AGBL4: variants seen among roughly 807,000 people sequenced by gnomAD.
The protein encoded by AGBL4 is AGBL carboxypeptidase 4, also known as cytosolic carboxypeptidase 6.
A neutral mutation model predicts 66.4 loss-of-function variants in AGBL4; 58 were observed. The ratio of observed to expected loss-of-function variants is 0.87; its 90% CI spans 0.71 to 1.09. AGBL4 has a LOEUF of 1.09. AGBL4 is among the 50% of genes least tolerant of loss of function. The probability of loss-of-function intolerance (pLI) is 0.00; values close to 1 mark genes in which losing one functional copy is unlikely to be tolerated. For synonymous variants in AGBL4, 234 were observed against 222.9 expected (o/e 1.05, Z -0.44); for missense variants, 579 against 631.0 (o/e 0.92, Z 0.88).
intron 3 of AGBL4, among the ~76,000 whole-genome samples, chr1:49,666,552 TGA>T (rs1348652264): frequency 6.6e-6 from 1 of 151,734 alleles, no homozygotes; most frequent in African/African-American, 2.4e-5. Flanking sequence ...GAAGACAGAG[TGA>T]GACTCTGTCT....
intron 3 of AGBL4, among the ~76,000 whole-genome samples, chr1:49,467,906 T>C (rs1024298537): frequency 2.0e-5 from 3 of 151,906 alleles, no homozygotes; most frequent in African/African-American, 7.2e-5. Context: ...AAAGTCCTTC[T>C]AGGTAAGACA....
chr1:49,164,194 G>A (rs1646591453), intron 4 of AGBL4, among the ~76,000 whole-genome samples: 1 of 151,520 alleles, frequency 6.6e-6, no homozygotes, highest in Non-Finnish European at 1.5e-5. Context: ...TGAGAATGCA[G>A]AGATGCAGGT....
In AGBL4 at chr1:49,979,997, C is replaced by A. The variant is rs555159139; in HGVS notation, c.34+43766G>T. On this transcript the variant is annotated intron_variant, in intron 1 of 13. Transcript: ENST00000371839. Reference sequence around the variant, plus strand: ...CAGTATAGTATTATAAATGTATTTTCTCTTCCTTATGATTTTCTTAATAAT... The same window carrying A: ...CAGTATAGTATTATAAATGTATTTTATCTTCCTTATGATTTTCTTAATAAT... Among the ~76,000 whole-genome samples the A allele has an allele frequency of 2.6e-3, 400 of 152,248 alleles. 1 individual carries two copies. Among genetic ancestry groups the A allele is most frequent in the African/African-American group, 9.1e-3 (380 of 41,558 alleles).
chr1:49,216,266 T>C (rs531291249), intron 4 of AGBL4, among the ~76,000 whole-genome samples: 3 of 152,274 alleles, frequency 2.0e-5, no homozygotes, highest in Non-Finnish European at 2.9e-5. Context: ...TTCATTTTTT[T>C]CTAATTTCAA....
At position 49,747,944 on chromosome 1, in the gene AGBL4, T is replaced by TAG. The variant is rs1651120881; in HGVS notation, c.158-50508_158-50507insCT. On this transcript the variant is annotated intron_variant, in intron 2 of 13. Coordinates refer to ENST00000371839, the MANE Select transcript of AGBL4 (RefSeq NM_032785.4). ...GAACCAATAAAAGGAGTGTGTGTGT[T>TAG]TGTGTGTGTGTGTGTGTGTGTGTGT... is the stretch of plus-strand genomic sequence containing the variant. 2.7e-5 allele frequency among the ~76,000 whole-genome samples: 4 copies of TAG among 147,560 alleles called. No individual in the cohort carries two copies. In the South Asian group the frequency reaches 8.7e-4, roughly 32 times the overall value.
intron 2 of AGBL4, among the ~76,000 whole-genome samples, chr1:49,798,608 C>A (rs535773001): frequency 2.6e-5 from 4 of 152,134 alleles, no homozygotes; most frequent in Admixed American, 6.5e-5. Flanking sequence ...GGCATCTATT[C>A]ATCTACTGAC....
chr1:49,440,072 T>C lies in AGBL4; in HGVS notation c.283-194208A>G, dbSNP rs544776700. 5.4e-5 allele frequency among the ~76,000 whole-genome samples: 8 copies of C among 148,594 alleles called. No homozygotes were observed. The South Asian group carries it at 8.6e-4, about 16-fold the overall frequency. ...CTAAAAAATGCTAAGGACTCTACTT[T>C]TTTTTTTTTTTTTTTGAGACAGAGT... On this transcript the variant is annotated intron_variant, in intron 3 of 13. Transcript: ENST00000371839.
At chr1:48,546,170 T>C (rs1316666633) in intron 11 of AGBL4, among the ~76,000 whole-genome samples, 1 of 152,154 alleles carries the variant, frequency 6.6e-6, no homozygotes, top group Non-Finnish European at 1.5e-5. Flanking sequence ...CCCTGCAAAG[T>C]CAAAGTACAA....
chr1:49,694,684 A>G (rs1285026497), intron 3 of AGBL4, among the ~76,000 whole-genome samples: 1 of 152,182 alleles, frequency 6.6e-6, no homozygotes, highest in African/African-American at 2.4e-5. Context: ...ATAAGATTGC[A>G]AAAGAGGCTG....
At chr1:49,030,797 T>A (rs1664150073) in intron 5 of AGBL4, among the ~76,000 whole-genome samples, 1 of 139,056 alleles carries the variant, frequency 7.2e-6, no homozygotes, top group Non-Finnish European at 1.5e-5. Flanking sequence ...ATTTTTGTTT[T>A]AGCAGCCCTG....
chr1:49,955,000 G>T (rs1405437282), intron 1 of AGBL4, among the ~76,000 whole-genome samples: 1 of 151,812 alleles, frequency 6.6e-6, no homozygotes, highest in African/African-American at 2.4e-5. Flanking sequence ...TCATCTCAAA[G>T]AGGCCTCTCT....
At chr1:49,489,367 T>C (rs1647139679) in intron 3 of AGBL4, among the ~76,000 whole-genome samples, 1 of 152,004 alleles carries the variant, frequency 6.6e-6, no homozygotes, top group East Asian at 1.9e-4. Flanking sequence ...TGCTTATTTT[T>C]TTAAATCAGA....
At chr1:49,131,456 A>G (rs1028513281) in intron 4 of AGBL4, among the ~76,000 whole-genome samples, 8 of 152,066 alleles carry the variant, frequency 5.3e-5, no homozygotes, top group African/African-American at 1.9e-4. Context: ...CTACTATAAG[A>G]GGGGGAATCA....
intron 3 of AGBL4, among the ~76,000 whole-genome samples, chr1:49,316,348 T>C (rs1645038509): frequency 6.6e-6 from 1 of 151,828 alleles, no homozygotes; most frequent in East Asian, 1.9e-4. Flanking sequence ...ACAGAGGAAA[T>C]TGAAGGAGTG....
chr1:48,650,560 C>T (rs1245321145), intron 8 of AGBL4, among the ~76,000 whole-genome samples: 3 of 151,942 alleles, frequency 2.0e-5, no homozygotes, highest in African/African-American at 4.8e-5. Context: ...CTCCTGTACT[C>T]AAGCTAGATT....
At chr1:49,783,714 T>C (rs1417791789) in intron 2 of AGBL4, among the ~76,000 whole-genome samples, 1 of 152,030 alleles carries the variant, frequency 6.6e-6, no homozygotes, top group Non-Finnish European at 1.5e-5. Context: ...AATGAAATGA[T>C]CTCTATTTGC....
At position 48,594,143 on chromosome 1, in the gene AGBL4, T is replaced by C. The variant is rs371419960; in HGVS notation, c.952-3158A>G. Among the ~76,000 whole-genome samples the C allele has an allele frequency of 2.9e-3, 438 of 152,214 alleles. 5 individuals carry two copies. The highest frequency in any genetic ancestry group is 9.7e-3 in the African/African-American group (402 of 41,532). On this transcript the variant is annotated intron_variant, in intron 9 of 13. Coordinates refer to ENST00000371839, the MANE Select transcript of AGBL4 (RefSeq NM_032785.4). ...GAGTTCAAGACCAGCCTAGCCAACA[T>C]GGTGAAACACCGTCTCTACTAAAAA...
intron 2 of AGBL4, among the ~76,000 whole-genome samples, chr1:49,812,315 G>A (rs1314647330): frequency 6.6e-6 from 1 of 152,130 alleles, no homozygotes; most frequent in Non-Finnish European, 1.5e-5. Flanking sequence ...ACGAAAGGGA[G>A]AAATATCCAT....
chr1:49,634,679 AAC>A (rs1212858375), intron 3 of AGBL4, among the ~76,000 whole-genome samples: 2 of 152,208 alleles, frequency 1.3e-5, no homozygotes, highest in African/African-American at 4.8e-5. Context: ...CACTCCCAAC[AAC>A]AGTGTAAAAG....
Sources: allele counts gnomAD v4.1 joint callset (sites outside exome capture counted in the v4.1 genomes callset), GRCh38; gene constraint gnomAD v4.1.1; transcripts MANE v1.5; gene names NCBI Gene and HGNC (gene_info 2026-07-23, HGNC 2026-07-21).